MAP3K21: variants seen among roughly 807,000 people sequenced by gnomAD.
The protein encoded by MAP3K21 is mitogen-activated protein kinase kinase kinase 21.
A neutral mutation model predicts 86.1 loss-of-function variants in MAP3K21; 63 were observed. That is an observed-to-expected ratio of 0.73 (90% CI 0.60 to 0.90). The LOEUF (loss-of-function observed/expected upper bound fraction) is 0.90, where lower values mean the gene tolerates loss of function less well. MAP3K21 is among the 40% of genes least tolerant of loss of function. MAP3K21 has a pLI of 0.00. For missense variants in MAP3K21, 1,220 were observed against 1,367.7 expected (o/e 0.89, Z 1.70); for synonymous variants, 558 against 564.8 (o/e 0.99, Z 0.17).
At chr1:233,360,435 C>A (rs542135448) in intron 4 of MAP3K21, among the ~76,000 whole-genome samples, 28 of 152,186 alleles carry the variant, frequency 1.8e-4, no homozygotes, top group African/African-American at 6.3e-4. Flanking sequence ...GTGATTTAAA[C>A]ATCATTTGGT....
chr1:233,355,608 A>C (rs957531528), intron 4 of MAP3K21, among the ~76,000 whole-genome samples: 1 of 152,172 alleles, frequency 6.6e-6, no homozygotes, highest in East Asian at 1.9e-4. Context: ...AAGGGGCTGC[A>C]TATAATCTCT....
intron 2 of MAP3K21, 118 bp from the exon 3 acceptor site, chr1:233,353,689 T>C: frequency 9.2e-6 from 9 of 974,780 alleles, no homozygotes; most frequent in Non-Finnish European, 1.3e-5. Context: ...GGGGCTTTTC[T>C]GGAATAGAGT....
intron 6 of MAP3K21, chr1:233,373,981 A>ATCAG (rs894630483): frequency 6.6e-6 from 1 of 152,082 alleles, no homozygotes. Flanking sequence ...GGGAGTGTAG[A>ATCAG]TCAGTCAGTC....
chr1:233,352,166 C>T (rs766449266), intron 2 of MAP3K21, among the ~76,000 whole-genome samples: 8 of 152,236 alleles, frequency 5.3e-5, no homozygotes, highest in South Asian at 4.1e-4. Context: ...GAATTACAGG[C>T]GTGAACTGCC....
rs57608199 is a variant in MAP3K21 at position 233,365,972 on chromosome 1, C to A, written c.1552+3679C>A. On this transcript the variant is annotated intron_variant, in intron 5 of 9. Transcript: ENST00000366624. ...CCATCAATGGATGAATGAATTAAGACAATGTGGTGTGTTTACCTGATGGAA... is the reference window on the plus strand; with the variant it reads ...CCATCAATGGATGAATGAATTAAGAAAATGTGGTGTGTTTACCTGATGGAA... Among the ~76,000 whole-genome samples, 1,331 of 152,200 alleles carry A rather than the reference C, an allele frequency of 8.7e-3. 23 individuals carry two copies. Among genetic ancestry groups the A allele is most frequent in the African/African-American group, 0.031 (1,275 of 41,508 alleles).
chr1:233,356,376 T>C (rs1388127788), intron 4 of MAP3K21, among the ~76,000 whole-genome samples: 1 of 152,242 alleles, frequency 6.6e-6, no homozygotes, highest in African/African-American at 2.4e-5. Context: ...CAGGCATTAA[T>C]GAACCTAAGT....
chr1:233,364,732 G>T (rs908212415), intron 5 of MAP3K21, among the ~76,000 whole-genome samples: 2 of 152,118 alleles, frequency 1.3e-5, no homozygotes, highest in Non-Finnish European at 1.5e-5. Flanking sequence ...GAGAAGAGAG[G>T]AGAAATTTTA....
Position 233,364,169 on chromosome 1 carries a change from G to A in MAP3K21, c.1552+1876G>A, listed in dbSNP as rs377489089. ...CAACCTCTCTGGGGTTGGGTGTTGG[G>A]GGAAGGTCCTTTTCCAGGCTCTCTT... On this transcript the variant is annotated intron_variant, in intron 5 of 9. Coordinates refer to ENST00000366624, the MANE Select transcript of MAP3K21 (RefSeq NM_032435.3). Among the ~76,000 whole-genome samples, 5 of 148,142 alleles carry A rather than the reference G, an allele frequency of 3.4e-5. 1 individual carries two copies. The highest frequency in any genetic ancestry group is 6.8e-5 in the Admixed American group (1 of 14,666).
intron 1 of MAP3K21, among the ~76,000 whole-genome samples, chr1:233,340,684 A>G (rs1663024621): frequency 6.6e-6 from 1 of 152,178 alleles, no homozygotes; most frequent in African/African-American, 2.4e-5. Context: ...ATTCTATGCT[A>G]TGTGATAAAT....
intron 1 of MAP3K21, among the ~76,000 whole-genome samples, chr1:233,337,347 T>C (rs889377195): frequency 1.3e-5 from 2 of 152,244 alleles, no homozygotes; most frequent in African/African-American, 4.8e-5. Context: ...TCAAAGAATT[T>C]AGTAAACTGT....
At chr1:233,376,195 TC>T in intron 7 of MAP3K21, 129 bp downstream of exon 7, 1 of 826,808 alleles carries the variant, frequency 1.2e-6, no homozygotes, top group Non-Finnish European at 1.9e-6. Flanking sequence ...TCAACAATTT[TC>T]TAGGATGAAT....
At chr1:233,358,279 T>C (rs1425987824) in intron 4 of MAP3K21, among the ~76,000 whole-genome samples, 4 of 151,970 alleles carry the variant, frequency 2.6e-5, no homozygotes, top group African/African-American at 4.8e-5. Context: ...AAAAAGAAAG[T>C]GGTGACCTTT....
At chr1:233,363,418 C>T (rs1391029900) in intron 5 of MAP3K21, among the ~76,000 whole-genome samples, 4 of 152,170 alleles carry the variant, frequency 2.6e-5, no homozygotes, top group Non-Finnish European at 5.9e-5. Flanking sequence ...AGTATGACAT[C>T]TGGGTGCAGT....
intron 2 of MAP3K21, among the ~76,000 whole-genome samples, chr1:233,350,249 T>G (rs903816204): frequency 1.3e-5 from 2 of 152,196 alleles, no homozygotes; most frequent in African/African-American, 2.4e-5. Context: ...TTTTGTTGTT[T>G]TTTTTTCTGA....
rs141408633 is a variant in MAP3K21, at chr1:233,353,651, C to T, written c.987-156C>T. Among the ~76,000 whole-genome samples the T allele has an allele frequency of 5.3e-4, 80 of 152,286 alleles. No individual in the cohort carries two copies. In the East Asian group the frequency reaches 0.015, roughly 29 times the overall value. On this transcript the variant is annotated intron_variant, in intron 2 of 9. Coordinates refer to ENST00000366624, the MANE Select transcript of MAP3K21 (RefSeq NM_032435.3). ...TTGAATTGTTGATGGGAAGAATCCA[C>T]CTCCCACCTTGGGATGTCAGCCATT...
At position 233,379,680 on chromosome 1, in the gene MAP3K21, C is replaced by T. The variant is rs55681416; in HGVS notation, c.2674C>T (p.Arg892Trp). 2.9e-4 allele frequency: 462 copies of T among 1,612,032 alleles called. 4 individuals are homozygous for T. The East Asian group carries it at 7.1e-3, about 25-fold the overall frequency. The change falls in exon 9 of 10, where the codon CGG (arginine) becomes TGG (tryptophan). Residue 892 changes from arginine (R) to tryptophan (W), a missense_variant. Physicochemically the swap from Arg to Trp is moderately radical, Grantham distance 101. This residue lies in a region of MAP3K21 where 632 missense variants were observed against 691.3 expected (regional missense o/e 0.91). Coordinates refer to ENST00000366624, the MANE Select transcript of MAP3K21 (RefSeq NM_032435.3). ...SSKHRPSHHR[R>W]TMSDGNPTPT... ...AAAACATAGACCGTCACATCACAGA[C>T]GGACCATGTCTGATGGAAATCCGAC...
At chr1:233,332,359 C>T (rs1662821826) in intron 1 of MAP3K21, among the ~76,000 whole-genome samples, 1 of 152,012 alleles carries the variant, frequency 6.6e-6, no homozygotes, top group African/African-American at 2.4e-5. Flanking sequence ...AGGGAAGGCA[C>T]TCCGAGGAAG....
At chr1:233,351,925 G>A (rs1280965151) in intron 2 of MAP3K21, among the ~76,000 whole-genome samples, 1 of 152,064 alleles carries the variant, frequency 6.6e-6, no homozygotes, top group Non-Finnish European at 1.5e-5. Context: ...GTCTTGCTCT[G>A]CCACCCATGC....
chr1:233,346,353 A>G, intron 1 of MAP3K21, 89 bp from the exon 2 acceptor site: 1 of 970,276 alleles, frequency 1.0e-6, no homozygotes, highest in Non-Finnish European at 1.6e-6. Context: ...TGCCAACTAC[A>G]GTGAAGATTG....
Sources: gnomAD v4.1 joint callset for allele counts (sites outside exome capture counted in the v4.1 genomes callset) on GRCh38, gnomAD v4.1.1 for gene constraint, gnomAD v4.1.1 regional missense constraint, MANE v1.5 for transcripts, NCBI Gene and HGNC (gene_info 2026-07-23, HGNC 2026-07-21) for gene names.